Variants in LPP observed in about 807,000 individuals in gnomAD.
LPP encodes the protein lipoma-preferred partner.
In LPP, 38 loss-of-function variants were observed where a neutral mutation model predicts 60.4. That is an observed-to-expected ratio of 0.63 (90% confidence interval 0.49 to 0.83). The LOEUF (loss-of-function observed/expected upper bound fraction) is 0.83, where lower values mean the gene tolerates loss of function less well. LPP is among the 40% of genes least tolerant of loss of function. The pLI is 0.00. For missense variants in LPP, 902 were observed against 783.6 expected (o/e 1.15, Z -1.80); for synonymous variants, 328 against 290.8 (o/e 1.13, Z -1.30).
intron 9 of LPP, among the ~76,000 whole-genome samples, chr3:188,856,253 A>G (rs1763806239): frequency 6.6e-6 from 1 of 152,234 alleles, no homozygotes; most frequent in African/African-American, 2.4e-5. Flanking sequence ...TAGGCATTCC[A>G]GGTATGTAAA....
At chr3:188,695,046 A>G (rs1223093901) in intron 7 of LPP, among the ~76,000 whole-genome samples, 3 of 152,196 alleles carry the variant, frequency 2.0e-5, no homozygotes, top group Non-Finnish European at 2.9e-5. Flanking sequence ...ACTTATTATC[A>G]CGGTAATCTT....
At chr3:188,716,597 A>G (rs151049276) in intron 8 of LPP, among the ~76,000 whole-genome samples, 25 of 152,328 alleles carry the variant, frequency 1.6e-4, no homozygotes, top group African/African-American at 4.6e-4. Flanking sequence ...TTGAAAGACT[A>G]TCATGTGGAA....
At position 188,577,256 on chromosome 3, in the gene LPP, C is replaced by G. The variant is rs546028180; in HGVS notation, c.430-31905C>G. ...AAAAAATCCTAATTCTGTTATTTCC[C>G]TGACAATAACAAATTATTCTCATCT... On this transcript the variant is annotated intron_variant, in intron 6 of 11. Coordinates refer to ENST00000617246, the MANE Select transcript of LPP (RefSeq NM_001375462.1). Among the ~76,000 whole-genome samples the G allele has an allele frequency of 3.3e-5, 5 of 152,228 alleles. No homozygotes were observed. The South Asian group carries it at 1.0e-3, about 32-fold the overall frequency.
intron 2 of LPP, among the ~76,000 whole-genome samples, chr3:188,288,818 A>AG (rs1553851074): frequency 1.1e-4 from 3 of 27,096 alleles, no homozygotes; most frequent in African/African-American, 4.0e-4. Context: ...TCCACCCCCC[A>AG]CCCCCCACCC....
intron 1 of LPP, among the ~76,000 whole-genome samples, chr3:188,206,119 CT>C (rs1459835910): frequency 6.6e-6 from 1 of 152,182 alleles, no homozygotes; most frequent in Admixed American, 6.5e-5. Flanking sequence ...TCCCTTACCC[CT>C]GGGCCACTTT....
At chr3:188,721,899 G>A (rs1014775852) in intron 8 of LPP, among the ~76,000 whole-genome samples, 11 of 152,082 alleles carry the variant, frequency 7.2e-5, no homozygotes, top group African/African-American at 2.7e-4. Flanking sequence ...CATATCACGA[G>A]ATTAGAACAC....
intron 3 of LPP, among the ~76,000 whole-genome samples, chr3:188,344,902 C>T (rs1227339498): frequency 6.6e-6 from 1 of 152,150 alleles, no homozygotes; most frequent in Non-Finnish European, 1.5e-5. Context: ...GGTAAACTTC[C>T]CCCCTATTAA....
At chr3:188,444,219 G>A (rs1412728969) in intron 4 of LPP, among the ~76,000 whole-genome samples, 1 of 148,758 alleles carries the variant, frequency 6.7e-6, no homozygotes, top group African/African-American at 2.5e-5. Flanking sequence ...CATTGATATG[G>A]TGGAGCTGTA....
chr3:188,392,361 C>T (rs986710718), intron 3 of LPP, among the ~76,000 whole-genome samples: 2 of 152,144 alleles, frequency 1.3e-5, no homozygotes, highest in Non-Finnish European at 2.9e-5. Context: ...GATATTATAA[C>T]ATATCAGTGC....
At chr3:188,682,096 G>T (rs1859664387) in intron 7 of LPP, among the ~76,000 whole-genome samples, 1 of 152,124 alleles carries the variant, frequency 6.6e-6, no homozygotes. Context: ...TTTTTTTGCA[G>T]ATGGCAAAAC....
intron 7 of LPP, among the ~76,000 whole-genome samples, chr3:188,664,393 A>G (rs187316776): frequency 3.2e-4 from 49 of 152,352 alleles, no homozygotes; most frequent in Admixed American, 2.7e-3. Flanking sequence ...AAATAAAGTT[A>G]CACATGGTGT....
chr3:188,876,480 T>A lies in LPP; in HGVS notation c.*2001T>A, dbSNP rs1174155422. The stretch of plus-strand genomic sequence containing the variant: ...TAATGTGAAATATGATGAGATTCAC[T>A]TAGGGGCAGCATGTTAGTTTTGGGA... On this transcript the variant is annotated 3_prime_UTR_variant, in exon 12 of 12. Transcript: ENST00000617246. The A allele has an allele frequency of 2.0e-5, 4 of 201,230 alleles. No individual in the cohort carries two copies. Among genetic ancestry groups the A allele is most frequent in the Admixed American group, 1.8e-4 (3 of 16,642 alleles). The allele number at this position is 201,230 out of a possible 1,614,324, so 12.5% of individuals were successfully genotyped here.
chr3:188,768,280 G>T (rs879273469), intron 9 of LPP, among the ~76,000 whole-genome samples: 1 of 152,166 alleles, frequency 6.6e-6, no homozygotes, highest in South Asian at 2.1e-4. Context: ...AAAACGAGAT[G>T]CTTACCAAAT....
At chr3:188,351,246 A>C (rs1765744762) in intron 3 of LPP, among the ~76,000 whole-genome samples, 1 of 152,184 alleles carries the variant, frequency 6.6e-6, no homozygotes, top group African/African-American at 2.4e-5. Context: ...CTTGTTTCTG[A>C]GATGGATATG....
chr3:188,179,299 C>T (rs935885465), intron 1 of LPP: 1 of 458,390 alleles, frequency 2.2e-6, no homozygotes, highest in Non-Finnish European at 4.4e-6. Context: ...CTGACCCGTG[C>T]ATGTGCCTCT....
intron 9 of LPP, among the ~76,000 whole-genome samples, chr3:188,766,970 A>G (rs1023889834): frequency 1.3e-5 from 2 of 152,192 alleles, no homozygotes; most frequent in African/African-American, 2.4e-5. Flanking sequence ...CTTTTGTTAC[A>G]TAACAGTATA....
intron 7 of LPP, among the ~76,000 whole-genome samples, chr3:188,633,360 G>A (rs950825091): frequency 3.9e-5 from 6 of 152,190 alleles, no homozygotes; most frequent in African/African-American, 1.4e-4. Flanking sequence ...TCTTCTTGCT[G>A]TAATTTGAGA....
intron 7 of LPP, among the ~76,000 whole-genome samples, chr3:188,642,265 A>G (rs1850295763): frequency 6.6e-6 from 1 of 152,200 alleles, no homozygotes; most frequent in Non-Finnish European, 1.5e-5. Flanking sequence ...ACAGTGACTC[A>G]GTGTGCCCTG....
At chr3:188,571,873 T>G (rs1560580005) in intron 6 of LPP, among the ~76,000 whole-genome samples, 2 of 152,110 alleles carry the variant, frequency 1.3e-5, no homozygotes, top group Non-Finnish European at 2.9e-5. Flanking sequence ...TCCTCTCACA[T>G]ATGTCATCAA....
Sources: allele counts gnomAD v4.1 joint callset (sites outside exome capture counted in the v4.1 genomes callset), GRCh38; gene constraint gnomAD v4.1.1; transcripts MANE v1.5; gene names NCBI Gene and HGNC (gene_info 2026-07-23, HGNC 2026-07-21).